The following PPHLN1 variants were observed in gnomAD, a reference collection of about 807,000 sequenced individuals.
The protein encoded by PPHLN1 is periphilin 1, also known as periphilin-1.
In PPHLN1, 29 loss-of-function variants were observed where a neutral mutation model predicts 51.3. The observed-to-expected ratio is 0.57, with a 90% CI of 0.42 to 0.77. The LOEUF is 0.77. PPHLN1 is among the 30% of genes least tolerant of loss of function. The probability of loss-of-function intolerance (pLI) is 0.00; values close to 1 mark genes in which losing one functional copy is unlikely to be tolerated. For synonymous variants in PPHLN1, 147 were observed against 147.8 expected (o/e 0.99, Z 0.04); for missense variants, 436 against 438.4 (o/e 0.99, Z 0.05).
intron 2 of PPHLN1, among the ~76,000 whole-genome samples, chr12:42,347,518 G>T (rs975336981): frequency 1.3e-5 from 2 of 152,170 alleles, no homozygotes; most frequent in Non-Finnish European, 2.9e-5. Context: ...AGTGGCTCAT[G>T]CCTGTAATCC....
downstream of PPHLN1, chr12:42,444,448 A>G (rs894785923): frequency 6.7e-6 from 1 of 149,462 alleles, no homozygotes; most frequent in African/African-American, 2.5e-5. Context: ...ACATAGACCC[A>G]CAATACTCAG....
chr12:42,433,509 G>C (rs2082222948), intron 9 of PPHLN1, among the ~76,000 whole-genome samples: 1 of 152,106 alleles, frequency 6.6e-6, no homozygotes, highest in Admixed American at 6.6e-5. Context: ...TTTTTTAGTA[G>C]AGACGGGGTT....
chr12:42,427,030 A>G (rs2081564400), intron 9 of PPHLN1, among the ~76,000 whole-genome samples: 1 of 152,172 alleles, frequency 6.6e-6, no homozygotes, highest in Non-Finnish European at 1.5e-5. Flanking sequence ...TCTCAAACCA[A>G]TGTAAGACTT....
At chr12:42,334,559 A>T (rs1007649225) in intron 1 of PPHLN1, among the ~76,000 whole-genome samples, 1 of 152,202 alleles carries the variant, frequency 6.6e-6, no homozygotes, top group African/African-American at 2.4e-5. Flanking sequence ...TGGAGTAGCT[A>T]TCTGTTTGCC....
chr12:42,446,280 A>C (rs149559306), downstream of PPHLN1: 17,433 of 1,592,388 alleles, frequency 0.011, 123 homozygotes, highest in Non-Finnish European at 0.014. Context: ...GTACATTGCA[A>C]CTCACGCAAG....
chr12:42,423,087 T>A (rs1338011606), intron 9 of PPHLN1, among the ~76,000 whole-genome samples: 1 of 151,538 alleles, frequency 6.6e-6, no homozygotes, highest in Non-Finnish European at 1.5e-5. Flanking sequence ...AGTATTTCTC[T>A]GATTCTTGGA....
intron 9 of PPHLN1, among the ~76,000 whole-genome samples, chr12:42,404,300 G>A (rs191107083): frequency 4.6e-5 from 7 of 151,728 alleles, no homozygotes; most frequent in Non-Finnish European, 8.8e-5. Context: ...GGGCCCAGGC[G>A]GGTGGATCAC....
At chr12:42,339,448 C>G (rs2071164915) in intron 2 of PPHLN1, among the ~76,000 whole-genome samples, 1 of 152,092 alleles carries the variant, frequency 6.6e-6, no homozygotes, top group Non-Finnish European at 1.5e-5. Flanking sequence ...CATTGTACCC[C>G]TTAGATGGCT....
intron 9 of PPHLN1, among the ~76,000 whole-genome samples, chr12:42,413,899 T>G (rs1273916905): frequency 6.6e-6 from 1 of 151,804 alleles, no homozygotes; most frequent in African/African-American, 2.4e-5. Context: ...TGAAGCCAGG[T>G]AATGTGATGC....
intron 9 of PPHLN1, among the ~76,000 whole-genome samples, chr12:42,415,749 A>G (rs1436845994): frequency 6.6e-6 from 1 of 152,210 alleles, no homozygotes; most frequent in African/African-American, 2.4e-5. Context: ...CTTTTAAAAG[A>G]ATGTGTTTCT....
At chr12:42,428,813 T>A (rs903382245) in intron 9 of PPHLN1, among the ~76,000 whole-genome samples, 181 of 145,018 alleles carry the variant, frequency 1.2e-3, no homozygotes, top group Non-Finnish European at 2.3e-3. Context: ...GTTTGCCTTT[T>A]TAACTTCTTT....
chr12:42,357,341 A>T (rs1021953153), intron 4 of PPHLN1, among the ~76,000 whole-genome samples: 12 of 152,218 alleles, frequency 7.9e-5, no homozygotes, highest in African/African-American at 2.9e-4. Flanking sequence ...GCCTTGAAAA[A>T]GATGTGAAGA....
At position 42,413,524 on chromosome 12, in the gene PPHLN1, ATATGTG is replaced by A. The variant is rs1191952566; in HGVS notation, c.909+14532_909+14537del. 4.4e-3 allele frequency among the ~76,000 whole-genome samples: 525 copies of A among 119,098 alleles called. 4 individuals carry two copies. Among genetic ancestry groups the A allele is most frequent in the African/African-American group, 0.011 (339 of 32,192 alleles). The allele number at this position is 119,098 out of a possible 152,430, so 78.1% of individuals were successfully genotyped here. ...GCTGTTTTGATAACTATATATATGT[ATATGTG>A]TGTGTGTGTGTGTGTGTGTGTGTGT... On this transcript the variant is annotated intron_variant, in intron 9 of 9. Coordinates refer to ENST00000358314, the MANE Select transcript of PPHLN1 (RefSeq NM_201439.2).
chr12:42,414,653 G>A (rs796983954), intron 9 of PPHLN1, among the ~76,000 whole-genome samples: 28 of 152,182 alleles, frequency 1.8e-4, no homozygotes, highest in African/African-American at 6.3e-4. Flanking sequence ...TACTGAATTC[G>A]TTTCTCAAAT....
chr12:42,425,057 T>TGTAC (rs915722457), intron 9 of PPHLN1, among the ~76,000 whole-genome samples: 1 of 151,596 alleles, frequency 6.6e-6, no homozygotes, highest in African/African-American at 2.4e-5. Context: ...TATGTATGTA[T>TGTAC]GTATGTATGT....
At chr12:42,358,766 G>C (rs2074316359) in intron 4 of PPHLN1, among the ~76,000 whole-genome samples, 1 of 152,004 alleles carries the variant, frequency 6.6e-6, no homozygotes, top group East Asian at 1.9e-4. Flanking sequence ...AAATAATTTA[G>C]CTGGTCACTC....
At chr12:42,334,107 CT>C (rs1046883859) in intron 1 of PPHLN1, among the ~76,000 whole-genome samples, 2 of 152,044 alleles carry the variant, frequency 1.3e-5, no homozygotes, top group Non-Finnish European at 2.9e-5. Flanking sequence ...AGACTGAAAC[CT>C]TTAGTGGATT....
chr12:42,337,694 G>A (rs2070872273), intron 2 of PPHLN1, among the ~76,000 whole-genome samples: 1 of 152,034 alleles, frequency 6.6e-6, no homozygotes, highest in Non-Finnish European at 1.5e-5. Flanking sequence ...GGGTTCAAGC[G>A]ATTCTTGTGC....
At chr12:42,335,043 C>T (rs2070378952) in intron 1 of PPHLN1, among the ~76,000 whole-genome samples, 1 of 152,098 alleles carries the variant, frequency 6.6e-6, no homozygotes, top group Non-Finnish European at 1.5e-5. Context: ...TATAAATGGT[C>T]TCTTTTCCCC....
Sources: allele counts gnomAD v4.1 joint callset (sites outside exome capture counted in the v4.1 genomes callset), GRCh38; gene constraint gnomAD v4.1.1; transcripts MANE v1.5; gene names NCBI Gene and HGNC (gene_info 2026-07-23, HGNC 2026-07-21).